The following SEL1L variants were observed in gnomAD, a reference collection of about 807,000 sequenced individuals.
The protein encoded by SEL1L is protein sel-1 homolog 1.
SEL1L carries 52 observed loss-of-function variants against 109.8 expected under a neutral mutation model. That is an observed-to-expected ratio of 0.47 (90% CI 0.38 to 0.60). The LOEUF (loss-of-function observed/expected upper bound fraction) is 0.60. Among genes scored for constraint, SEL1L ranks in the 20% least tolerant of loss-of-function variants. SEL1L has a pLI of 0.00. For missense variants in SEL1L, 749 were observed against 962.2 expected, an observed-to-expected ratio of 0.78 and a Z score of 2.93; for synonymous variants, 373 against 339.6, an observed-to-expected ratio of 1.10 and a Z score of -1.08.
In SEL1L at chr14:81,474,959, A is replaced by C. The variant is rs1484784508; in HGVS notation, c.*2013T>G. On this transcript the variant is annotated 3_prime_UTR_variant, in exon 21 of 21. Coordinates refer to ENST00000336735, the MANE Select transcript of SEL1L (RefSeq NM_005065.6). ...ATGGAGGGAAGGAAAGTTAGATATA[A>C]AAATCTTGCTAAAGGAAAAATGAGG... 2 of 152,244 alleles carry C rather than the reference A, an allele frequency of 1.3e-5. No homozygotes were observed. Among genetic ancestry groups the C allele is most frequent in the Non-Finnish European group, 2.9e-5 (2 of 68,038 alleles). 9.4% of individuals were successfully genotyped at this position (152,244 alleles called of 1,614,324 possible).
At position 81,499,424 on chromosome 14, in the gene SEL1L, T is replaced by G. The variant is rs769133282; in HGVS notation, c.891+35A>C. On this transcript the variant is annotated intron_variant, in intron 8 of 20. Coordinates refer to ENST00000336735, the MANE Select transcript of SEL1L (RefSeq NM_005065.6). Reference sequence around the variant, plus strand: ...CTATAAACCACAAATTCTTCTGATGTTAATATTATTAGCCTTCCACTAAAG... The same window carrying G: ...CTATAAACCACAAATTCTTCTGATGGTAATATTATTAGCCTTCCACTAAAG... 9 of 1,594,026 alleles carry G rather than the reference T, an allele frequency of 5.6e-6. No individual in the cohort carries two copies. In the East Asian group the frequency reaches 2.0e-4, roughly 36 times the overall value.
chr14:81,495,348 A>G (rs562701132), intron 10 of SEL1L, among the ~76,000 whole-genome samples: 1 of 152,344 alleles, frequency 6.6e-6, no homozygotes, highest in African/African-American at 2.4e-5. Context: ...ATTGCAAAGT[A>G]CCATTTGCGG....
At chr14:81,511,303 A>G (rs1595526180) in intron 3 of SEL1L, among the ~76,000 whole-genome samples, 1 of 152,240 alleles carries the variant, frequency 6.6e-6, no homozygotes, top group East Asian at 1.9e-4. Context: ...AATCATTTTA[A>G]AATACAAAGA....
chr14:81,482,411 G>A (rs1903387425), intron 19 of SEL1L, among the ~76,000 whole-genome samples: 1 of 152,120 alleles, frequency 6.6e-6, no homozygotes, highest in Non-Finnish European at 1.5e-5. Context: ...GGGTGCAGGG[G>A]CTCATACCTG....
intron 3 of SEL1L, among the ~76,000 whole-genome samples, chr14:81,516,648 A>G (rs190829387): frequency 6.6e-6 from 1 of 152,174 alleles, no homozygotes; most frequent in Admixed American, 6.5e-5. Context: ...TTTACACGCA[A>G]TACTACCCAT....
chr14:81,477,747 A>C (rs149998469), intron 20 of SEL1L, among the ~76,000 whole-genome samples: 1 of 152,262 alleles, frequency 6.6e-6, no homozygotes, highest in Non-Finnish European at 1.5e-5. Flanking sequence ...CAGGAGGTGG[A>C]GGTTGCGGTG....
intron 3 of SEL1L, among the ~76,000 whole-genome samples, chr14:81,507,539 T>C (rs1884287473): frequency 6.6e-6 from 1 of 151,712 alleles, no homozygotes; most frequent in African/African-American, 2.4e-5. Context: ...GGGTAGGTAC[T>C]GCTACATTCA....
chr14:81,506,841 G>C (rs1884259709), intron 3 of SEL1L, among the ~76,000 whole-genome samples: 1 of 152,164 alleles, frequency 6.6e-6, no homozygotes, highest in South Asian at 2.1e-4. Flanking sequence ...GTATCTCTTA[G>C]GTGTTGAAAA....
At chr14:81,512,468 G>C (rs576956166) in intron 3 of SEL1L, among the ~76,000 whole-genome samples, 39 of 152,300 alleles carry the variant, frequency 2.6e-4, no homozygotes, top group Non-Finnish European at 5.1e-4. Context: ...AATTCTCCTA[G>C]TGTCTTCTGA....
intron 5 of SEL1L, among the ~76,000 whole-genome samples, chr14:81,503,325 T>TA (rs906795114): frequency 9.9e-5 from 15 of 152,184 alleles, no homozygotes; most frequent in African/African-American, 3.6e-4. Flanking sequence ...CTTATACATG[T>TA]AAAAAACATC....
rs975400209 is a variant in SEL1L at position 81,522,929 on chromosome 14, A to AT, written c.340+3803dup. On this transcript the variant is annotated intron_variant, in intron 3 of 20. Transcript: ENST00000336735. ...ATGTTCAGTACAGTTGCAACCACCC[A>AT]TTTTTTCCAAATATTTTCAAATATT... is the stretch of plus-strand genomic sequence containing the variant. Among the ~76,000 whole-genome samples, 18 of 152,144 alleles carry AT rather than the reference A, an allele frequency of 1.2e-4. 1 individual carries two copies. In the Middle Eastern group the frequency reaches 0.014, roughly 115 times the overall value.
In SEL1L at chr14:81,498,022, C is replaced by T. The variant is rs2140009999; in HGVS notation, c.998G>A (p.Gly333Glu). 1 of 1,612,842 alleles carries T rather than the reference C, an allele frequency of 6.2e-7. No homozygotes were observed. Among genetic ancestry groups the T allele is most frequent in the East Asian group, 2.2e-5 (1 of 44,846 alleles). ...CCGTATTCTCTGTACTACTGAGCCT[C>T]CTGTTAGCGAGATATCACTAGCAAC... ...NHVASDISLT[G>E]GSVVQRIRLP... Residue 333 changes from glycine to glutamate, a missense_variant, in exon 10 of 21, where the codon GGA becomes GAA. Gly to Glu is a moderately conservative substitution (Grantham distance 98). Transcript: ENST00000336735.
intron 12 of SEL1L, among the ~76,000 whole-genome samples, chr14:81,491,281 A>G (rs1427894074): frequency 6.6e-6 from 1 of 152,252 alleles, no homozygotes; most frequent in African/African-American, 2.4e-5. Context: ...AGAGGGTTTA[A>G]ACACTAAACA....
intron 12 of SEL1L, among the ~76,000 whole-genome samples, chr14:81,490,918 C>A (rs900091923): frequency 1.6e-4 from 25 of 151,612 alleles, no homozygotes; most frequent in East Asian, 3.9e-4. Context: ...AACAAACAAA[C>A]AAAAAAAACA....
At chr14:81,499,210 G>A in intron 8 of SEL1L, 4 of 1,198,604 alleles carry the variant, frequency 3.3e-6, no homozygotes, top group Non-Finnish European at 4.1e-6. Flanking sequence ...CCATTTATCA[G>A]ATCTCTCTTT....
At chr14:81,506,980 G>A (rs1479303043) in intron 3 of SEL1L, among the ~76,000 whole-genome samples, 1 of 152,168 alleles carries the variant, frequency 6.6e-6, no homozygotes, top group Non-Finnish European at 1.5e-5. Flanking sequence ...CCCCTCTCAG[G>A]AACTGAGGTT....
At chr14:81,501,271 T>C (rs1883994934) in intron 6 of SEL1L, among the ~76,000 whole-genome samples, 1 of 152,156 alleles carries the variant, frequency 6.6e-6, no homozygotes, top group African/African-American at 2.4e-5. Context: ...CCACTGTGAT[T>C]TGCGGGTTTT....
At chr14:81,510,514 C>CTATATATATATATATATATA (rs1555346599) in intron 3 of SEL1L, among the ~76,000 whole-genome samples, 8 of 104,052 alleles carry the variant, frequency 7.7e-5, no homozygotes, top group Non-Finnish European at 6.0e-5. Context: ...CTCTCTCTCT[C>CTATATATATATATATATATA]TATATATATA....
intron 11 of SEL1L, among the ~76,000 whole-genome samples, chr14:81,492,806 C>T (rs530623134): frequency 3.3e-5 from 5 of 152,276 alleles, no homozygotes; most frequent in African/African-American, 1.2e-4. Flanking sequence ...GCTGCCTAAA[C>T]GTAAGGTACA....
Sources: gnomAD v4.1 joint callset for allele counts (sites outside exome capture counted in the v4.1 genomes callset) on GRCh38, gnomAD v4.1.1 for gene constraint, MANE v1.5 for transcripts, NCBI Gene and HGNC (gene_info 2026-07-23, HGNC 2026-07-21) for gene names.